The following CDH13 variants were observed in gnomAD, a reference collection of about 807,000 sequenced individuals.
The protein encoded by CDH13 is cadherin 13.
Under a neutral mutation model 63.8 loss-of-function variants are expected in CDH13, and 24 were observed. That is an observed-to-expected ratio of 0.38 (90% CI 0.27 to 0.53). The LOEUF is 0.53. Among genes scored for constraint, CDH13 ranks in the 20% least tolerant of loss-of-function variants. The probability of loss-of-function intolerance (pLI) is 0.85; values close to 1 mark genes in which losing one functional copy is unlikely to be tolerated. For missense variants in CDH13, 1,049 were observed against 903.1 expected (o/e 1.16, Z -2.07); for synonymous variants, 503 against 355.3 (o/e 1.42, Z -4.67).
chr16:82,752,240 T>A (rs62034520), intron 1 of CDH13, among the ~76,000 whole-genome samples: 14,062 of 152,166 alleles, frequency 0.092, 779 homozygotes, highest in Non-Finnish European at 0.11. Context: ...AGAATAATAA[T>A]CGGAAATGTA....
intron 5 of CDH13, among the ~76,000 whole-genome samples, chr16:83,231,077 G>T (rs756757021): frequency 1.3e-5 from 2 of 152,028 alleles, no homozygotes; most frequent in Non-Finnish European, 2.9e-5. Context: ...GCAAGACCTG[G>T]TGCTAGGATC....
chr16:83,450,005 T>A (rs994875478), intron 6 of CDH13, among the ~76,000 whole-genome samples: 1 of 152,050 alleles, frequency 6.6e-6, no homozygotes, highest in African/African-American at 2.4e-5. Flanking sequence ...GGCAGATAGT[T>A]CCCCCGCCCC....
chr16:82,697,391 C>T (rs1452443841), intron 1 of CDH13, among the ~76,000 whole-genome samples: 2 of 147,672 alleles, frequency 1.4e-5, no homozygotes, highest in East Asian at 4.1e-4. Context: ...ATCCTTTAAT[C>T]ACCTTTAAGG....
chr16:83,534,344 C>G (rs2075142682), intron 7 of CDH13, among the ~76,000 whole-genome samples: 1 of 152,172 alleles, frequency 6.6e-6, no homozygotes, highest in African/African-American at 2.4e-5. Context: ...GGTTCTTTGA[C>G]CTCTTCATTT....
chr16:83,660,792 G>T (rs550702966), intron 8 of CDH13, among the ~76,000 whole-genome samples: 1 of 152,128 alleles, frequency 6.6e-6, no homozygotes, highest in South Asian at 2.1e-4. Flanking sequence ...CTGCTTCTCC[G>T]AATTAAACTA....
At chr16:83,412,234 G>C (rs2092138994) in intron 6 of CDH13, among the ~76,000 whole-genome samples, 1 of 152,226 alleles carries the variant, frequency 6.6e-6, no homozygotes, top group Non-Finnish European at 1.5e-5. Flanking sequence ...GGCCAAGGCT[G>C]ATGGATCACT....
rs568964654 is a variant in CDH13, at chr16:83,014,722, C to A, written c.158-17288C>A. On this transcript the variant is annotated intron_variant, in intron 2 of 13. Coordinates refer to ENST00000567109, the MANE Select transcript of CDH13 (RefSeq NM_001257.5). ...CTCCAGCTTGGGCAACAGAGGGAGA[C>A]TCCATCTAAAAAAAAAAAAAAATAT... is the stretch of plus-strand genomic sequence containing the variant. 2.7e-5 allele frequency among the ~76,000 whole-genome samples: 3 copies of A among 110,256 alleles called. No individual in the cohort carries two copies. In the East Asian group the frequency reaches 7.7e-4, roughly 28 times the overall value. 72.3% of individuals were successfully genotyped at this position (110,256 alleles called of 152,430 possible). A position where few individuals can be genotyped will look rare whatever the true frequency, so the allele number is the denominator to read the frequency against.
chr16:83,426,200 G>A (rs1388299257), intron 6 of CDH13, among the ~76,000 whole-genome samples: 2 of 152,158 alleles, frequency 1.3e-5, no homozygotes, highest in African/African-American at 2.4e-5. Flanking sequence ...ACTCCTCCCA[G>A]CCTCTGGGTT....
At chr16:82,974,950 A>G (rs569727614) in intron 2 of CDH13, among the ~76,000 whole-genome samples, 14 of 152,348 alleles carry the variant, frequency 9.2e-5, no homozygotes, top group African/African-American at 3.1e-4. Context: ...CTACGCCCAG[A>G]CTGACTTTGA....
intron 1 of CDH13, among the ~76,000 whole-genome samples, chr16:82,761,254 G>T (rs2034844065): frequency 6.6e-6 from 1 of 151,798 alleles, no homozygotes; most frequent in African/African-American, 2.4e-5. Context: ...CTGACCTCAG[G>T]TGATCTGCCC....
intron 1 of CDH13, among the ~76,000 whole-genome samples, chr16:82,854,075 G>C (rs1662550279): frequency 6.6e-6 from 1 of 152,140 alleles, no homozygotes; most frequent in Admixed American, 6.5e-5. Context: ...GCAAGTTCAA[G>C]CATAGATACT....
At chr16:83,781,914 C>T (rs1344673418) in intron 12 of CDH13, among the ~76,000 whole-genome samples, 7 of 150,834 alleles carry the variant, frequency 4.6e-5, no homozygotes, top group Admixed American at 4.6e-4. Flanking sequence ...TGCTCATGTA[C>T]CCCGGAACTT....
At chr16:83,656,919 TGTG>T (rs1164879933) in intron 8 of CDH13, among the ~76,000 whole-genome samples, 2 of 152,212 alleles carry the variant, frequency 1.3e-5, no homozygotes, top group East Asian at 3.9e-4. Flanking sequence ...GAATTTCAGA[TGTG>T]GTACATTCTG....
At chr16:83,061,453 C>T (rs1597249954) in intron 3 of CDH13, among the ~76,000 whole-genome samples, 1 of 152,266 alleles carries the variant, frequency 6.6e-6, no homozygotes, top group South Asian at 2.1e-4. Context: ...CCCCGGAATA[C>T]AATGGGATGA....
In CDH13 at chr16:83,115,542, C is replaced by T. The variant is rs189899432; in HGVS notation, c.367-9843C>T. ...TCAAACCCGAAGCATCACATCTTTG[C>T]GTGAAGCCTGCAAAGGCTCGCTATT... On this transcript the variant is annotated intron_variant, in intron 3 of 13. Transcript: ENST00000567109. 1.1e-3 allele frequency among the ~76,000 whole-genome samples: 169 copies of T among 152,330 alleles called. 1 individual carries two copies. Among genetic ancestry groups the T allele is most frequent in the Middle Eastern group, 0.01 (3 of 294 alleles).
In CDH13 at chr16:83,288,633, C is replaced by CT. The variant is rs1318114309; in HGVS notation, c.637-56227dup. Among the ~76,000 whole-genome samples, 7 of 152,328 alleles carry CT rather than the reference C, an allele frequency of 4.6e-5. No homozygotes were observed. In the South Asian group the frequency reaches 1.4e-3, roughly 32 times the overall value. ...CATGGCAGAGTTACCAAGAAGAAAG[C>CT]TTGTGTCCCCAAGACTTGTATTTGA... is the stretch of plus-strand genomic sequence containing the variant. On this transcript the variant is annotated intron_variant, in intron 5 of 13. Coordinates refer to ENST00000567109, the MANE Select transcript of CDH13 (RefSeq NM_001257.5).
intron 6 of CDH13, among the ~76,000 whole-genome samples, chr16:83,356,599 C>G (rs2091062171): frequency 6.6e-6 from 1 of 152,136 alleles, no homozygotes; most frequent in Non-Finnish European, 1.5e-5. Context: ...TTTATCTATA[C>G]AAATACCTTT....
chr16:83,211,739 A>C (rs2039343016), intron 4 of CDH13, among the ~76,000 whole-genome samples: 1 of 149,616 alleles, frequency 6.7e-6, no homozygotes, highest in Non-Finnish European at 1.5e-5. Context: ...CACTGGTCCC[A>C]GCTATGCGAC....
chr16:83,264,117 A>T (rs1907311088), intron 5 of CDH13, among the ~76,000 whole-genome samples: 1 of 152,218 alleles, frequency 6.6e-6, no homozygotes, highest in Non-Finnish European at 1.5e-5. Flanking sequence ...TTTTCAAGGC[A>T]ACTGAAGTGA....
Sources: gnomAD v4.1 joint callset for allele counts (sites outside exome capture counted in the v4.1 genomes callset) on GRCh38, gnomAD v4.1.1 for gene constraint, MANE v1.5 for transcripts, NCBI Gene and HGNC (gene_info 2026-07-23, HGNC 2026-07-21) for gene names.